PRICKLE1: variants seen among roughly 807,000 people sequenced by gnomAD.
PRICKLE1 encodes prickle-like protein 1.
Under a neutral mutation model 70.2 loss-of-function variants are expected in PRICKLE1, and 14 were observed. That is an observed-to-expected ratio of 0.20 (90% CI 0.13 to 0.31). The LOEUF (loss-of-function observed/expected upper bound fraction) is 0.31, where lower values mean the gene tolerates loss of function less well. PRICKLE1 is among the 10% of genes least tolerant of loss of function. PRICKLE1 has a pLI of 1.00. For synonymous variants in PRICKLE1, 357 were observed against 379.9 expected (o/e 0.94, Z 0.70); for missense variants, 821 against 1,026.2 (o/e 0.80, Z 2.73).
At chr12:42,551,750 T>C (rs10880315) in intron 1 of PRICKLE1, among the ~76,000 whole-genome samples, 149,152 of 152,306 alleles carry the variant, frequency 0.98, 73,102 homozygotes, top group Middle Eastern at 1. Flanking sequence ...TCCAAAAGGT[T>C]GGCTGTCTGA....
chr12:42,472,438 C>T lies in PRICKLE1; in HGVS notation c.79G>A (p.Gly27Ser), dbSNP rs1254259436. Reference sequence around the variant, plus strand: ...CAGGCGTACTCCTCCAATGCACAGCCAGAGTCATCATCTGATGTGGAACTT... The same window carrying T: ...CAGGCGTACTCCTCCAATGCACAGCTAGAGTCATCATCTGATGTGGAACTT... The part of the protein sequence containing the change: ...QRSSTSDDDS[G>S]CALEEYAWVP... The change falls in exon 2 of 8, where the codon GGC becomes AGC. Residue 27 changes from glycine to serine, a missense_variant. Gly to Ser is a moderately conservative substitution (Grantham distance 56). Coordinates refer to ENST00000345127, the MANE Select transcript of PRICKLE1 (RefSeq NM_153026.3). 1 of 1,614,152 alleles carries T rather than the reference C, an allele frequency of 6.2e-7. No homozygotes were observed. The highest frequency in any genetic ancestry group is 8.5e-7 in the Non-Finnish European group (1 of 1,180,020).
Position 42,518,587 on chromosome 12 carries a change from T to C in PRICKLE1, c.-48-46023A>G, listed in dbSNP as rs182969836. On this transcript the variant is annotated intron_variant, in intron 1 of 7. Transcript: ENST00000345127. Reference sequence around the variant, plus strand: ...TTTGAAAGTGTTAAAAATAGCTCAATGATCCTTAATTTTCCTATGTTTGTC... The same window carrying C: ...TTTGAAAGTGTTAAAAATAGCTCAACGATCCTTAATTTTCCTATGTTTGTC... 6.2e-4 allele frequency among the ~76,000 whole-genome samples: 94 copies of C among 152,340 alleles called. 3 individuals carry two copies. The highest frequency in any genetic ancestry group is 5.4e-3 in the Admixed American group (82 of 15,298).
chr12:42,533,428 G>A (rs1165016750), intron 1 of PRICKLE1, among the ~76,000 whole-genome samples: 1 of 152,096 alleles, frequency 6.6e-6, no homozygotes, highest in African/African-American at 2.4e-5. Flanking sequence ...ATTGTCCATA[G>A]AGAATAATTC....
chr12:42,510,603 T>C (rs921993999), intron 1 of PRICKLE1, among the ~76,000 whole-genome samples: 8 of 152,208 alleles, frequency 5.3e-5, no homozygotes, highest in African/African-American at 1.9e-4. Flanking sequence ...TAAAGGTTTT[T>C]AATTGGCTTT....
intron 1 of PRICKLE1, among the ~76,000 whole-genome samples, chr12:42,540,103 T>C (rs1348078163): frequency 1.3e-5 from 2 of 152,208 alleles, no homozygotes; most frequent in Non-Finnish European, 2.9e-5. Flanking sequence ...TTTTTCACAT[T>C]AAAAGATGGA....
chr12:42,553,601 T>A (rs1940364300), intron 1 of PRICKLE1, among the ~76,000 whole-genome samples: 2 of 152,134 alleles, frequency 1.3e-5, no homozygotes, highest in African/African-American at 4.8e-5. Flanking sequence ...TTGGGCAAGT[T>A]ACTTAACCTC....
rs199788182 is a variant in PRICKLE1 at position 42,564,147 on chromosome 12, A to ACTTG, written c.-49+25314_-49+25317dup. Among the ~76,000 whole-genome samples, 997 of 150,882 alleles carry ACTTG rather than the reference A, an allele frequency of 6.6e-3. 42 individuals are homozygous for ACTTG. The East Asian group carries it at 0.11, about 17-fold the overall frequency. On this transcript the variant is annotated intron_variant, in intron 1 of 7. Transcript: ENST00000345127. ...GTGGTGTGCACCTGTAGTCCCAGCT[A>ACTTG]CTTGGGAGGCTGAGGCAGGAGAATC...
At chr12:42,539,882 G>C (rs1306208242) in intron 1 of PRICKLE1, among the ~76,000 whole-genome samples, 2 of 152,138 alleles carry the variant, frequency 1.3e-5, no homozygotes, top group Non-Finnish European at 2.9e-5. Flanking sequence ...TTGGACTTCA[G>C]AGAAAGTTAA....
At chr12:42,469,671 GAAGTGAAA>G in intron 3 of PRICKLE1, 84 bp from the exon 4 acceptor site, 9 of 1,571,860 alleles carry the variant, frequency 5.7e-6, no homozygotes, top group Non-Finnish European at 7.8e-6. Context: ...AGGGTTTCAG[GAAGTGAAA>G]CAGTAAGTTT....
chr12:42,503,048 A>G (rs1397401403), intron 1 of PRICKLE1, among the ~76,000 whole-genome samples: 1 of 152,238 alleles, frequency 6.6e-6, no homozygotes, highest in Non-Finnish European at 1.5e-5. Context: ...AAGAACAAAC[A>G]GAACATGTTA....
intron 1 of PRICKLE1, among the ~76,000 whole-genome samples, chr12:42,556,743 C>T (rs1566125306): frequency 6.6e-6 from 1 of 152,162 alleles, no homozygotes; most frequent in Non-Finnish European, 1.5e-5. Context: ...TCTTGACTTT[C>T]CAATATATGT....
intron 1 of PRICKLE1, among the ~76,000 whole-genome samples, chr12:42,477,593 G>T (rs1000875180): frequency 2.7e-5 from 4 of 147,418 alleles, no homozygotes; most frequent in Non-Finnish European, 5.9e-5. Context: ...TACTTTTGTA[G>T]CACAGAAGGA....
intron 1 of PRICKLE1, among the ~76,000 whole-genome samples, chr12:42,525,471 A>G (rs1939785158): frequency 6.6e-6 from 1 of 152,208 alleles, no homozygotes; most frequent in African/African-American, 2.4e-5. Flanking sequence ...CTGGCCTTGA[A>G]AGTGGGGAAA....
intron 1 of PRICKLE1, among the ~76,000 whole-genome samples, chr12:42,534,575 A>G (rs936691107): frequency 2.0e-5 from 3 of 152,212 alleles, no homozygotes; most frequent in Non-Finnish European, 4.4e-5. Flanking sequence ...TTAATTCTCT[A>G]CAGTAGCCCT....
Position 42,484,243 on chromosome 12 carries a change from C to G in PRICKLE1, c.-48-11679G>C, listed in dbSNP as rs538816869. 1,389 of 151,886 alleles carry G rather than the reference C, an allele frequency of 9.1e-3. 13 individuals are homozygous for G. The highest frequency in any genetic ancestry group is 0.014 in the Non-Finnish European group (960 of 68,046). 9.4% of individuals were successfully genotyped at this position (151,886 alleles called of 1,614,324 possible). A position where few individuals can be genotyped will look rare whatever the true frequency, so the allele number is the denominator to read the frequency against. ...CAATTCCTCGAAAAGTTACCCACCCCCTTGGCCAGCCTAGCGGCTCGAGCA... is the reference window on the plus strand; with the variant it reads ...CAATTCCTCGAAAAGTTACCCACCCGCTTGGCCAGCCTAGCGGCTCGAGCA... On this transcript the variant is annotated intron_variant, in intron 1 of 7. Transcript: ENST00000345127.
chr12:42,534,125 T>C (rs948636136), intron 1 of PRICKLE1, among the ~76,000 whole-genome samples: 3 of 152,032 alleles, frequency 2.0e-5, no homozygotes, highest in Non-Finnish European at 4.4e-5. Context: ...AACATGTAGA[T>C]AATTACAGAT....
At chr12:42,565,742 T>C (rs772445902) in intron 1 of PRICKLE1, among the ~76,000 whole-genome samples, 4 of 152,194 alleles carry the variant, frequency 2.6e-5, no homozygotes, top group African/African-American at 7.2e-5. Context: ...TTTCTCTTTT[T>C]AAACCAGCCC....
At chr12:42,498,251 C>T (rs1052703781) in intron 1 of PRICKLE1, among the ~76,000 whole-genome samples, 1 of 151,304 alleles carries the variant, frequency 6.6e-6, no homozygotes, top group East Asian at 1.9e-4. Flanking sequence ...TGGCTCACTG[C>T]AGCCTCGACC....
chr12:42,523,213 C>T (rs866075985), intron 1 of PRICKLE1, among the ~76,000 whole-genome samples: 7 of 152,170 alleles, frequency 4.6e-5, no homozygotes, highest in African/African-American at 1.2e-4. Flanking sequence ...ATGATCCGCC[C>T]GCCTTGGCCT....
Sources: gnomAD v4.1 joint callset for allele counts (sites outside exome capture counted in the v4.1 genomes callset) on GRCh38, gnomAD v4.1.1 for gene constraint, MANE v1.5 for transcripts, NCBI Gene and HGNC (gene_info 2026-07-23, HGNC 2026-07-21) for gene names.